Variants in GPM6A observed in about 807,000 individuals in gnomAD.
GPM6A encodes the protein glycoprotein M6A, also known as neuronal membrane glycoprotein M6-a.
Under a neutral mutation model 32.1 loss-of-function variants are expected in GPM6A, and 7 were observed. The ratio of observed to expected loss-of-function variants is 0.22; its 90% CI spans 0.12 to 0.41. The LOEUF (loss-of-function observed/expected upper bound fraction) is 0.41. Among genes scored for constraint, GPM6A ranks in the 10% least tolerant of loss-of-function variants. GPM6A has a pLI of 1.00. For synonymous variants in GPM6A, 130 were observed against 123.4 expected (o/e 1.05, Z -0.35); for missense variants, 235 against 347.2 (o/e 0.68, Z 2.57).
intron 1 of GPM6A, among the ~76,000 whole-genome samples, chr4:175,974,731 G>A (rs1174322359): frequency 6.6e-6 from 1 of 150,812 alleles, no homozygotes; most frequent in African/African-American, 2.4e-5. Flanking sequence ...GCCTCAGGCT[G>A]GAGTGCAGTA....
At chr4:175,636,464 A>G (rs77654012) in intron 6 of GPM6A, among the ~76,000 whole-genome samples, 2,254 of 151,364 alleles carry the variant, frequency 0.015, 78 homozygotes, top group African/African-American at 0.05. Flanking sequence ...ACTTTTCATA[A>G]TATCTGAGAA....
intron 1 of GPM6A, among the ~76,000 whole-genome samples, chr4:175,960,151 CT>C (rs1300834639): frequency 6.6e-6 from 1 of 152,132 alleles, no homozygotes; most frequent in Non-Finnish European, 1.5e-5. Context: ...CTTAAATAAG[CT>C]CCTGTTAAGT....
At chr4:175,666,595 C>T (rs1742767012) in intron 3 of GPM6A, among the ~76,000 whole-genome samples, 1 of 152,038 alleles carries the variant, frequency 6.6e-6, no homozygotes, top group Admixed American at 6.6e-5. Context: ...TTTAAAAGAC[C>T]ATTAATAGTC....
intron 1 of GPM6A, among the ~76,000 whole-genome samples, chr4:175,904,734 A>G (rs79581052): frequency 3.9e-4 from 60 of 152,274 alleles, no homozygotes; most frequent in African/African-American, 1.4e-3. Context: ...AACTAATTGC[A>G]TAATTCCTGA....
intron 1 of GPM6A, among the ~76,000 whole-genome samples, chr4:175,978,603 T>C (rs1203761750): frequency 1.3e-5 from 2 of 152,196 alleles, no homozygotes; most frequent in African/African-American, 2.4e-5. Context: ...TTATTATTTT[T>C]TACAATGAGT....
intron 1 of GPM6A, among the ~76,000 whole-genome samples, chr4:175,791,127 G>A (rs532190470): frequency 3.0e-4 from 45 of 152,022 alleles, no homozygotes; most frequent in African/African-American, 1.0e-3. Context: ...TTATGCATAG[G>A]CTCTATCTAT....
chr4:175,779,386 T>G (rs1733524057), intron 1 of GPM6A, among the ~76,000 whole-genome samples: 1 of 152,232 alleles, frequency 6.6e-6, no homozygotes, highest in Non-Finnish European at 1.5e-5. Flanking sequence ...ATTTACGTCA[T>G]TCTTTTCCAA....
chr4:175,773,482 T>C (rs1733270553), intron 1 of GPM6A, among the ~76,000 whole-genome samples: 1 of 152,114 alleles, frequency 6.6e-6, no homozygotes, highest in Non-Finnish European at 1.5e-5. Flanking sequence ...CAATCAGAGC[T>C]AAAAAAGGAT....
intron 1 of GPM6A, among the ~76,000 whole-genome samples, chr4:175,851,457 C>A (rs1736254433): frequency 6.6e-6 from 1 of 151,176 alleles, no homozygotes. Context: ...TGCACTCCAG[C>A]CCGGGTGACA....
rs528956788 is a variant in GPM6A, at chr4:175,726,062, G to A, written c.38-24295C>T. Among the ~76,000 whole-genome samples the A allele has an allele frequency of 2.6e-4, 37 of 141,352 alleles. 1 individual carries two copies. The South Asian group carries it at 5.1e-3, about 19-fold the overall frequency. 92.7% of individuals were successfully genotyped at this position (141,352 alleles called of 152,430 possible). ...GGCTGGAGTGCAGTGGCGCGATCTC[G>A]GCTCACTGCAAGCTTCGCCTCCCAG... On this transcript the variant is annotated intron_variant, in intron 1 of 6. Transcript: ENST00000393658.
chr4:175,706,337 G>T (rs1745191565), intron 1 of GPM6A, among the ~76,000 whole-genome samples: 1 of 152,116 alleles, frequency 6.6e-6, no homozygotes, highest in Non-Finnish European at 1.5e-5. Flanking sequence ...TCAAATACAT[G>T]CCTTTGCTTT....
chr4:175,807,834 G>A (rs1734755613), intron 1 of GPM6A, among the ~76,000 whole-genome samples: 2 of 152,184 alleles, frequency 1.3e-5, no homozygotes, highest in African/African-American at 2.4e-5. Context: ...AGAGAGTGGG[G>A]TTGAAAGTTC....
At chr4:175,666,502 A>G (rs1284040856) in intron 3 of GPM6A, among the ~76,000 whole-genome samples, 1 of 152,190 alleles carries the variant, frequency 6.6e-6, no homozygotes, top group Admixed American at 6.5e-5. Context: ...ATTTTTCAAT[A>G]TCTTTGCATA....
chr4:175,785,790 C>T lies in GPM6A; in HGVS notation c.37+26401G>A, dbSNP rs368079729. Among the ~76,000 whole-genome samples the T allele has an allele frequency of 8.5e-5, 13 of 152,156 alleles. No homozygotes were observed. In the East Asian group the frequency reaches 1.4e-3, roughly 16 times the overall value. ...GTATATAAAGACAAATAAGATTACT[C>T]CCCTCATAACTGGGATTAATTCAAC... is the stretch of plus-strand genomic sequence containing the variant. On this transcript the variant is annotated intron_variant, in intron 1 of 6. Coordinates refer to ENST00000393658, the MANE Select transcript of GPM6A (RefSeq NM_201591.3).
At chr4:175,892,708 A>G (rs1737684649) in intron 1 of GPM6A, among the ~76,000 whole-genome samples, 1 of 152,108 alleles carries the variant, frequency 6.6e-6, no homozygotes. Context: ...CATAATCCAA[A>G]TTCCTCAAAC....
chr4:175,925,299 A>T (rs920817907), intron 1 of GPM6A, among the ~76,000 whole-genome samples: 4 of 152,232 alleles, frequency 2.6e-5, no homozygotes, highest in Non-Finnish European at 5.9e-5. Flanking sequence ...GATTAATTTT[A>T]TGCATTATTC....
intron 1 of GPM6A, among the ~76,000 whole-genome samples, chr4:175,897,013 A>C (rs1199011953): frequency 6.6e-6 from 1 of 152,072 alleles, no homozygotes; most frequent in Non-Finnish European, 1.5e-5. Context: ...CTCATGAATC[A>C]GTCAGGGCCC....
At chr4:175,731,026 G>C (rs1579437234) in intron 1 of GPM6A, among the ~76,000 whole-genome samples, 1 of 152,166 alleles carries the variant, frequency 6.6e-6, no homozygotes, top group East Asian at 1.9e-4. Context: ...CCATTCAAAG[G>C]GAACTTAGTG....
chr4:175,936,302 T>A (rs1739225915), intron 1 of GPM6A, among the ~76,000 whole-genome samples: 1 of 55,438 alleles, frequency 1.8e-5, no homozygotes, highest in Admixed American at 2.8e-4. Context: ...CGAGACTCTG[T>A]CTCCAAAAAA....
Sources: allele counts gnomAD v4.1 joint callset (sites outside exome capture counted in the v4.1 genomes callset), GRCh38; gene constraint gnomAD v4.1.1; transcripts MANE v1.5; gene names NCBI Gene and HGNC (gene_info 2026-07-23, HGNC 2026-07-21).